The following ITPR3 variants were observed in gnomAD, a reference collection of about 807,000 sequenced individuals.
The protein encoded by ITPR3 is inositol 1,4,5-trisphosphate-gated calcium channel ITPR3.
A neutral mutation model predicts 293.2 loss-of-function variants in ITPR3; 173 were observed. That is an observed-to-expected ratio of 0.59 (90% CI 0.52 to 0.67). The LOEUF (loss-of-function observed/expected upper bound fraction) is 0.67. Among genes scored for constraint, ITPR3 ranks in the 30% least tolerant of loss-of-function variants. ITPR3 has a pLI of 0.00. For missense variants in ITPR3, 2,796 were observed against 3,592.1 expected (o/e 0.78, Z 5.66); for synonymous variants, 1,295 against 1,444.4 (o/e 0.90, Z 2.35).
intron 2 of ITPR3, among the ~76,000 whole-genome samples, chr6:33,652,823 G>A (rs187140360): frequency 6.6e-6 from 1 of 152,246 alleles, no homozygotes; most frequent in African/African-American, 2.4e-5. Flanking sequence ...GTCTGAGTGA[G>A]CCTGGAGCCA....
In ITPR3 at chr6:33,691,009, G is replaced by A; in HGVS notation, c.7125G>A (p.Leu2375=). The A allele has an allele frequency of 6.2e-7, 1 of 1,614,168 alleles. No homozygotes were observed. The change falls in exon 52 of 58, where the codon CTG becomes CTA. Residue 2375 remains leucine, a synonymous_variant. Coordinates refer to ENST00000605930, the MANE Select transcript of ITPR3 (RefSeq NM_002224.4). The surrounding 1 kb of genome is among the most constrained non-coding windows in gnomAD (Gnocchi z 4.9). ...GCTCCATCCTGCTGACAGCCCTGCT[G>A]GCCCTCATCCTGGTCTACCTCTTCT... is the stretch of plus-strand genomic sequence containing the variant. ...NGRSILLTAL[L]ALILVYLFSI... is the part of the protein sequence containing the mutation.
intron 1 of ITPR3, among the ~76,000 whole-genome samples, chr6:33,634,472 C>T (rs1407078319): frequency 6.6e-6 from 1 of 152,218 alleles, no homozygotes; most frequent in African/African-American, 2.4e-5. Context: ...GTAGCCCTGC[C>T]CAGGGCTTGC....
Position 33,692,724 on chromosome 6 carries a change from G to A in ITPR3, c.7459-4G>A. 1 of 1,613,892 alleles carries A rather than the reference G, an allele frequency of 6.2e-7. No homozygotes were observed. Among genetic ancestry groups the A allele is most frequent in the South Asian group, 1.1e-5 (1 of 91,044 alleles). ...GCCCAGCCTCCCTGCCTCATCCCCTGCAGGAGTCTCTCTTCCCAGCCCGAG... is the reference window on the plus strand; with the variant it reads ...GCCCAGCCTCCCTGCCTCATCCCCTACAGGAGTCTCTCTTCCCAGCCCGAG... On this transcript the variant is annotated splice_region_variant and splice_polypyrimidine_tract_variant and intron_variant, in intron 54 of 57. Transcript: ENST00000605930. The surrounding 1 kb of genome is among the most constrained non-coding windows in gnomAD (Gnocchi z 4.2).
At chr6:33,629,573 C>T (rs1199408233) in intron 1 of ITPR3, among the ~76,000 whole-genome samples, 5 of 151,962 alleles carry the variant, frequency 3.3e-5, no homozygotes, top group African/African-American at 4.8e-5. Flanking sequence ...CTCTGCCTCC[C>T]GGGTTCGAGT....
rs779750893 is a variant in ITPR3, at chr6:33,677,533, G to T, written c.3552G>T (p.Gly1184=). ...GILERLNKMC[G]VGEQMRKKQQ... ...TGGAAAGGCTGAACAAGATGTGCGG[G>T]GTTGGGGAGCAAATGAGGAAGAAGC... Residue 1184 remains glycine, a synonymous_variant, in exon 28 of 58, where the codon GGG becomes GGT. Transcript: ENST00000605930. The T allele has an allele frequency of 1.2e-6, 2 of 1,613,918 alleles. No homozygotes were observed. The highest frequency in any genetic ancestry group is 1.7e-6 in the Non-Finnish European group (2 of 1,179,984).
intron 2 of ITPR3, among the ~76,000 whole-genome samples, chr6:33,645,853 T>G (rs1484279149): frequency 1.3e-5 from 2 of 152,186 alleles, no homozygotes; most frequent in African/African-American, 4.8e-5. Flanking sequence ...TCTTTCGTTT[T>G]TTGAGATGGA....
At chr6:33,631,357 G>T (rs1763674710) in intron 1 of ITPR3, among the ~76,000 whole-genome samples, 1 of 152,206 alleles carries the variant, frequency 6.6e-6, no homozygotes, top group South Asian at 2.1e-4. Context: ...AAGGGGGCAG[G>T]GTAAGGAGGG....
intron 56 of ITPR3, chr6:33,694,695 T>C: frequency 1.8e-6 from 1 of 547,194 alleles, no homozygotes; most frequent in South Asian, 2.3e-5. Context: ...CGACGCTGCC[T>C]AACGGAAGTC....
At chr6:33,661,870 C>A (rs1042075773) in intron 7 of ITPR3, among the ~76,000 whole-genome samples, 2 of 151,610 alleles carry the variant, frequency 1.3e-5, no homozygotes, top group Non-Finnish European at 1.5e-5. Context: ...GTGGCAGGCA[C>A]CTGTGGTCCC....
At chr6:33,622,040 G>T (rs944905236) in intron 1 of ITPR3, among the ~76,000 whole-genome samples, 1 of 152,134 alleles carries the variant, frequency 6.6e-6, no homozygotes, top group Non-Finnish European at 1.5e-5. Flanking sequence ...AAGGGCAGCC[G>T]GGCCGAGACG....
At position 33,682,604 on chromosome 6, in the gene ITPR3, G is replaced by A. The variant is rs1473019013; in HGVS notation, c.4557G>A (p.Lys1519=). The A allele has an allele frequency of 1.3e-6, 2 of 1,597,522 alleles. No individual in the cohort carries two copies. The highest frequency in any genetic ancestry group is 2.3e-5 in the East Asian group (1 of 42,954). ...LECPWLQQQH[K]GSVEACIRTL... ...GTCCGTGGCTACAGCAGCAGCACAA[G>A]GGCTCCGTGGAGGCCTGCATCCGGA... is the stretch of plus-strand genomic sequence containing the variant. Residue 1519 remains lysine, a synonymous_variant, in exon 34 of 58, where the codon AAG becomes AAA. Transcript: ENST00000605930. This position sits in a 1 kb window ranked among gnomAD's most constrained non-coding sequence, Gnocchi z 5.4.
intron 1 of ITPR3, among the ~76,000 whole-genome samples, chr6:33,634,881 C>A (rs1249473993): frequency 2.6e-5 from 4 of 152,044 alleles, no homozygotes; most frequent in African/African-American, 9.7e-5. Context: ...TGAGTTTTTT[C>A]CTCAGACAGG....
At position 33,684,610 on chromosome 6, in the gene ITPR3, C is replaced by T. The variant is rs911141542; in HGVS notation, c.5059C>T (p.Arg1687Cys). The T allele has an allele frequency of 1.1e-5, 18 of 1,614,130 alleles. No homozygotes were observed. Among genetic ancestry groups the T allele is most frequent in the South Asian group, 5.5e-5 (5 of 91,092 alleles). The change falls in exon 38 of 58, where the codon CGC (arginine) becomes TGC (cysteine). Residue 1687 changes from arginine to cysteine, a missense_variant. Around this residue, in one of 8 missense-constraint regions of ITPR3, gnomAD observed 704 missense variants for 797.5 expected, o/e 0.88. Transcript: ENST00000605930. The surrounding 1 kb of genome is among the most constrained non-coding windows in gnomAD (Gnocchi z 4.2). The stretch of plus-strand genomic sequence containing the variant: ...CATCCTCCCCCAGGGCAACCAGCTG[C>T]GCAAGATGCTGCTGCAAAACTACCT... The part of the protein sequence containing the change: ...TKYGDRGNQL[R>C]KMLLQNYLQN...
rs549484515 is a variant in ITPR3, at chr6:33,663,012, C to T, written c.954+6C>T. 12 of 1,589,594 alleles carry T rather than the reference C, an allele frequency of 7.5e-6. No individual in the cohort carries two copies. The highest frequency in any genetic ancestry group is 1.7e-4 in the Middle Eastern group (1 of 6,034). ...GCAACTACCTGGCTGCTGAGGTGAGCGGGAGGTAGAGGGCATGCTGGGGCT... is the reference window on the plus strand; with the variant it reads ...GCAACTACCTGGCTGCTGAGGTGAGTGGGAGGTAGAGGGCATGCTGGGGCT... On this transcript the variant is annotated splice_donor_region_variant and intron_variant, in intron 9 of 57. Coordinates refer to ENST00000605930, the MANE Select transcript of ITPR3 (RefSeq NM_002224.4).
chr6:33,632,034 T>G lies in ITPR3; in HGVS notation c.90-8450T>G, dbSNP rs1763695448. ...TATTATGACTATTCTTATTCTATTTTTTTTATTATACTGAAACAGTTTGTG... is the reference window on the plus strand; with the variant it reads ...TATTATGACTATTCTTATTCTATTTGTTTTATTATACTGAAACAGTTTGTG... On this transcript the variant is annotated intron_variant, in intron 1 of 57. Transcript: ENST00000605930. This position sits in a 1 kb window ranked among gnomAD's most constrained non-coding sequence, Gnocchi z 4.1. 6.6e-6 allele frequency among the ~76,000 whole-genome samples: 1 copy of G among 152,276 alleles called. No homozygotes were observed. Among genetic ancestry groups the G allele is most frequent in the Non-Finnish European group, 1.5e-5 (1 of 68,048 alleles).
intron 1 of ITPR3, among the ~76,000 whole-genome samples, chr6:33,625,380 C>A (rs1763527370): frequency 6.6e-6 from 1 of 152,178 alleles, no homozygotes; most frequent in African/African-American, 2.4e-5. Context: ...CAGGCATGTG[C>A]CTCCACACCC....
Position 33,671,219 on chromosome 6 carries a change from C to A in ITPR3, c.2641C>A (p.Leu881Met), listed in dbSNP as rs1409445000. 1 of 1,613,794 alleles carries A rather than the reference C, an allele frequency of 6.2e-7. No homozygotes were observed. The highest frequency in any genetic ancestry group is 8.5e-7 in the Non-Finnish European group (1 of 1,179,984). ...IYFGFYSFSE[L>M]LRLTRTLLGI... Reference sequence around the variant, plus strand: ...CTTCGGCTTCTACAGCTTCAGCGAGCTGCTGCGGCTCACTCGCACACTGCT... The same window carrying A: ...CTTCGGCTTCTACAGCTTCAGCGAGATGCTGCGGCTCACTCGCACACTGCT... The change falls in exon 21 of 58, where the codon CTG (leucine) becomes ATG (methionine). Residue 881 changes from leucine to methionine, a missense_variant. Physicochemically the swap from Leu to Met is conservative, Grantham distance 15. Transcript: ENST00000605930.
chr6:33,691,748 T>TGTG lies in ITPR3; in HGVS notation c.7330+31_7330+33dup. On this transcript the variant is annotated intron_variant, in intron 53 of 57. Transcript: ENST00000605930. This position sits in a 1 kb window ranked among gnomAD's most constrained non-coding sequence, Gnocchi z 4.9. ...AGGGTGGTGTGTGTGCAGGAGTCTG[T>TGTG]GTGGGGTAGGAGGAGCAGGCAGCCC... 3.7e-6 allele frequency: 6 copies of TGTG among 1,611,892 alleles called. No homozygotes were observed. The highest frequency in any genetic ancestry group is 5.1e-6 in the Non-Finnish European group (6 of 1,179,304).
intron 2 of ITPR3, among the ~76,000 whole-genome samples, chr6:33,645,456 G>A (rs1025088535): frequency 5.9e-5 from 9 of 152,206 alleles, no homozygotes; most frequent in Non-Finnish European, 1.0e-4. Context: ...TCCATTGGGC[G>A]ATAAACTGAA....
Sources: allele counts gnomAD v4.1 joint callset (sites outside exome capture counted in the v4.1 genomes callset), GRCh38; gene constraint gnomAD v4.1.1; regional missense constraint gnomAD v4.1.1; non-coding constraint Gnocchi (gnomAD v3.1); transcripts MANE v1.5; gene names NCBI Gene and HGNC (gene_info 2026-07-23, HGNC 2026-07-21).